The following SNED1 variants were observed in gnomAD, a reference collection of about 807,000 sequenced individuals.
SNED1 encodes sushi, nidogen and EGF like domains 1.
Under a neutral mutation model 166.7 loss-of-function variants are expected in SNED1, and 81 were observed. The ratio of observed to expected loss-of-function variants is 0.49; its 90% confidence interval spans 0.41 to 0.58. The LOEUF (loss-of-function observed/expected upper bound fraction) is 0.58. Among genes scored for constraint, SNED1 ranks in the 20% least tolerant of loss-of-function variants. SNED1 has a pLI of 0.00. For synonymous variants in SNED1, 762 were observed against 822.0 expected, an observed-to-expected ratio of 0.93 and a Z score of 1.25; for missense variants, 1,604 against 2,000.2, an observed-to-expected ratio of 0.80 and a Z score of 3.78.
intron 21 of SNED1, among the ~76,000 whole-genome samples, chr2:241,067,121 G>A (rs902475969): frequency 2.6e-5 from 4 of 152,208 alleles, no homozygotes; most frequent in Non-Finnish European, 4.4e-5. Flanking sequence ...GACAGAGCCC[G>A]CCCTGCCCGC....
Position 241,081,743 on chromosome 2 carries a change from C to T in SNED1, c.3983C>T (p.Ala1328Val). 1.2e-6 allele frequency: 2 copies of T among 1,608,672 alleles called. No homozygotes were observed. Among genetic ancestry groups the T allele is most frequent in the Non-Finnish European group, 1.7e-6 (2 of 1,177,638 alleles). The change falls in exon 28 of 32, where the codon GCC (alanine) becomes GTC (valine). Residue 1328 changes from alanine to valine, a missense_variant. By Grantham distance (64) the Ala-to-Val change is moderately conservative. This residue lies in a region of SNED1 where 367 missense variants were observed against 379.4 expected (regional missense o/e 0.97). Coordinates refer to ENST00000310397, the MANE Select transcript of SNED1 (RefSeq NM_001080437.3). ...GGCACTTGTGTGCCGGGCGCAGACGCCCACAGCTGTGACTGCGGGCCAGGG... is the reference window on the plus strand; with the variant it reads ...GGCACTTGTGTGCCGGGCGCAGACGTCCACAGCTGTGACTGCGGGCCAGGG... ...NGGTCVPGAD[A>V]HSCDCGPGFK... is the part of the protein sequence containing the mutation.
intron 2 of SNED1, among the ~76,000 whole-genome samples, chr2:241,030,812 CAT>C (rs1376321214): frequency 6.6e-6 from 1 of 152,240 alleles, no homozygotes; most frequent in Non-Finnish European, 1.5e-5. Context: ...CAGCAGCTCA[CAT>C]GTCAGAGAGA....
chr2:241,004,903 A>G (rs2106539009), intron 1 of SNED1, among the ~76,000 whole-genome samples: 1 of 152,096 alleles, frequency 6.6e-6, no homozygotes, highest in African/African-American at 2.4e-5. Context: ...TTTTATTTTT[A>G]GTAGAGACGG....
intron 1 of SNED1, among the ~76,000 whole-genome samples, chr2:241,027,542 A>C (rs2124960111): frequency 6.6e-6 from 1 of 152,312 alleles, no homozygotes; most frequent in East Asian, 1.9e-4. Flanking sequence ...AATCTCTTCA[A>C]GACCCTGCTT....
chr2:241,089,787 A>G (rs963358997), intron 31 of SNED1, among the ~76,000 whole-genome samples: 1 of 152,266 alleles, frequency 6.6e-6, no homozygotes, highest in African/African-American at 2.4e-5. Flanking sequence ...ATCATAGCGC[A>G]TACTTAGAAC....
Position 241,082,229 on chromosome 2 carries a change from A to G in SNED1, c.4034-48A>G, listed in dbSNP as rs764253476. The G allele has an allele frequency of 3.4e-6, 5 of 1,471,900 alleles. No individual in the cohort carries two copies. The Admixed American group carries it at 6.8e-5, about 20-fold the overall frequency. 91.2% of individuals were successfully genotyped at this position (1,471,900 alleles called of 1,614,324 possible). On this transcript the variant is annotated intron_variant, in intron 28 of 31. Coordinates refer to ENST00000310397, the MANE Select transcript of SNED1 (RefSeq NM_001080437.3). ...GGCAAGGCCTCTCAAGAGGGGCAGGAGGAGCCGTCAGGAGCACCTGGTGAG... is the reference window on the plus strand; with the variant it reads ...GGCAAGGCCTCTCAAGAGGGGCAGGGGGAGCCGTCAGGAGCACCTGGTGAG...
At chr2:241,009,863 G>T (rs552147290) in intron 1 of SNED1, among the ~76,000 whole-genome samples, 1 of 152,008 alleles carries the variant, frequency 6.6e-6, no homozygotes, top group Non-Finnish European at 1.5e-5. Flanking sequence ...TATTGCCGTC[G>T]GTGGCTGGGC....
At chr2:241,035,017 AG>A (rs1453183704) in intron 4 of SNED1, among the ~76,000 whole-genome samples, 1 of 151,820 alleles carries the variant, frequency 6.6e-6, no homozygotes, top group Non-Finnish European at 1.5e-5. Context: ...TGTGGGTTGG[AG>A]GGAACCCTCT....
chr2:241,061,955 C>T (rs1162482661), intron 16 of SNED1, among the ~76,000 whole-genome samples: 1 of 152,060 alleles, frequency 6.6e-6, no homozygotes, highest in East Asian at 1.9e-4. Context: ...TATAACCACA[C>T]TGTGTAATGT....
chr2:241,022,094 A>G (rs948224377), intron 1 of SNED1, among the ~76,000 whole-genome samples: 1 of 152,116 alleles, frequency 6.6e-6, no homozygotes, highest in Non-Finnish European at 1.5e-5. Context: ...TTTATTATTG[A>G]GTTGTAATAG....
chr2:241,081,818 C>A, intron 28 of SNED1, 25 bp downstream of exon 28: 2 of 1,515,920 alleles, frequency 1.3e-6, no homozygotes, highest in Non-Finnish European at 1.8e-6. Context: ...GGCCTCAGGG[C>A]GCCCCTTCCA....
chr2:241,060,890 G>C (rs982732995), intron 16 of SNED1, among the ~76,000 whole-genome samples: 2 of 152,016 alleles, frequency 1.3e-5, no homozygotes, highest in African/African-American at 4.8e-5. Context: ...TGATTGCACC[G>C]CTGCATTCCA....
chr2:241,019,704 C>T (rs2060712540), intron 1 of SNED1, among the ~76,000 whole-genome samples: 1 of 152,210 alleles, frequency 6.6e-6, no homozygotes, highest in Non-Finnish European at 1.5e-5. Flanking sequence ...TCGGAGAGCA[C>T]CCTTACCGTG....
At position 241,091,120 on chromosome 2, in the gene SNED1, A is replaced by C. The variant is rs565504172; in HGVS notation, c.*2-518A>C. 6.6e-6 allele frequency among the ~76,000 whole-genome samples: 1 copy of C among 150,902 alleles called. No homozygotes were observed. Among genetic ancestry groups the C allele is most frequent in the East Asian group, 2.0e-4 (1 of 5,074 alleles). On this transcript the variant is annotated intron_variant, in intron 31 of 31. Transcript: ENST00000310397. The surrounding 1 kb of genome is among the most constrained non-coding windows in gnomAD (Gnocchi z 4.1). ...CCATAAAAACAAATCAGAAACCCCC[A>C]ACTAATTATCAAATACTGACTTATA...
At chr2:241,065,186 G>T in intron 20 of SNED1, 113 bp from the exon 21 acceptor site, 1 of 1,107,796 alleles carries the variant, frequency 9.0e-7, no homozygotes, top group East Asian at 2.6e-5. Flanking sequence ...CTCTGCCAGC[G>T]ATGGCTGTGT....
rs1371739841 is a variant in SNED1, at chr2:241,052,759, A to G, written c.2083+291A>G. On this transcript the variant is annotated intron_variant, in intron 15 of 31. Coordinates refer to ENST00000310397, the MANE Select transcript of SNED1 (RefSeq NM_001080437.3). ...AGGCAGGTGAGAGGGCCGGGGGGCC[A>G]AGCAGGGTACATGGGATGCTGGTGT... is the stretch of plus-strand genomic sequence containing the variant. 2.7e-4 allele frequency among the ~76,000 whole-genome samples: 33 copies of G among 121,018 alleles called. 1 individual carries two copies. The East Asian group carries it at 4.0e-3, about 15-fold the overall frequency. The allele number at this position is 121,018 out of a possible 152,430, so 79.4% of individuals were successfully genotyped here.
intron 1 of SNED1, among the ~76,000 whole-genome samples, chr2:241,021,189 G>A: frequency 6.6e-6 from 1 of 152,292 alleles, no homozygotes; most frequent in South Asian, 2.1e-4. Context: ...CCAGCTGTTA[G>A]CTCCTTGTCA....
chr2:241,010,516 C>A, intron 1 of SNED1: 1 of 152,662 alleles, frequency 6.6e-6, no homozygotes, highest in Non-Finnish European at 1.5e-5. Context: ...CCCCAAGTCA[C>A]TGCAGCTCCA....
chr2:241,016,948 G>A (rs919462736), intron 1 of SNED1, among the ~76,000 whole-genome samples: 7 of 150,774 alleles, frequency 4.6e-5, no homozygotes, highest in Non-Finnish European at 5.9e-5. Context: ...TGCCTCCCGG[G>A]TTCAAGCAAT....
Sources: allele counts gnomAD v4.1 joint callset (sites outside exome capture counted in the v4.1 genomes callset), GRCh38; gene constraint gnomAD v4.1.1; regional missense constraint gnomAD v4.1.1; non-coding constraint Gnocchi (gnomAD v3.1); transcripts MANE v1.5; gene names NCBI Gene and HGNC (gene_info 2026-07-23, HGNC 2026-07-21).